The following FRAS1 variants were observed in gnomAD, a reference collection of about 807,000 sequenced individuals.
FRAS1 encodes the protein extracellular matrix organizing protein FRAS1.
A neutral mutation model predicts 435.2 loss-of-function variants in FRAS1; 290 were observed. The ratio of observed to expected loss-of-function variants is 0.67; its 90% CI spans 0.61 to 0.73. FRAS1 has a LOEUF of 0.73. Among genes scored for constraint, FRAS1 ranks in the 30% least tolerant of loss-of-function variants. The pLI is 0.00. For missense variants in FRAS1, 4,860 were observed against 5,001.5 expected, an observed-to-expected ratio of 0.97 and a Z score of 0.85; for synonymous variants, 1,800 against 1,851.0, an observed-to-expected ratio of 0.97 and a Z score of 0.71.
intron 2 of FRAS1, among the ~76,000 whole-genome samples, chr4:78,191,690 G>A (rs530563333): frequency 1.5e-4 from 22 of 148,690 alleles, no homozygotes; most frequent in Admixed American, 1.2e-3. Flanking sequence ...ATCCCTCCCC[G>A]CTCCCCCCAC....
intron 3 of FRAS1, among the ~76,000 whole-genome samples, chr4:78,243,340 T>C (rs868392090): frequency 7.2e-5 from 11 of 152,212 alleles, no homozygotes; most frequent in African/African-American, 2.6e-4. Context: ...TGTTGGTGGT[T>C]CTCCTAGGTC....
In FRAS1 at chr4:78,456,138, C is replaced by CTTTTTTTTTT. The variant is rs753676442; in HGVS notation, c.6763+3798_6763+3807dup. Among the ~76,000 whole-genome samples, 11 of 51,470 alleles carry CTTTTTTTTTT rather than the reference C, an allele frequency of 2.1e-4. 1 individual carries two copies. Among genetic ancestry groups the CTTTTTTTTTT allele is most frequent in the African/African-American group, 9.0e-4 (11 of 12,240 alleles). 33.8% of individuals were successfully genotyped at this position (51,470 alleles called of 152,430 possible). A position where few individuals can be genotyped will look rare whatever the true frequency, so the allele number is the denominator to read the frequency against. On this transcript the variant is annotated intron_variant, in intron 47 of 73. Transcript: ENST00000512123. Reference sequence around the variant, plus strand: ...AGCATTACTTGAAGAACACATGTCACTTTTTTTTTTTTTTTTTTTTTTTGA... The same window carrying CTTTTTTTTTT: ...AGCATTACTTGAAGAACACATGTCACTTTTTTTTTTTTTTTTTTTTTTTTTTTTTTTTTGA...
At chr4:78,383,803 G>A (rs1330625103) in intron 27 of FRAS1, among the ~76,000 whole-genome samples, 3 of 152,116 alleles carry the variant, frequency 2.0e-5, no homozygotes, top group African/African-American at 4.8e-5. Context: ...AGTTTAGAAA[G>A]ATAGGAAACA....
rs1431627662 is a variant in FRAS1, at chr4:78,408,535, C to G, written c.4308+694C>G. Among the ~76,000 whole-genome samples, 5 of 152,160 alleles carry G rather than the reference C, an allele frequency of 3.3e-5. No individual in the cohort carries two copies. In the East Asian group the frequency reaches 9.6e-4, roughly 29 times the overall value. On this transcript the variant is annotated intron_variant, in intron 31 of 73. Transcript: ENST00000512123. ...GTTTTGAATGTTCTTGGAACACTTACTATCTTGTGATAAGATCATGGGCCT... is the reference window on the plus strand; with the variant it reads ...GTTTTGAATGTTCTTGGAACACTTAGTATCTTGTGATAAGATCATGGGCCT...
chr4:78,468,485 A>ACATCATCAT (rs11267487), intron 50 of FRAS1, among the ~76,000 whole-genome samples: 1,600 of 150,228 alleles, frequency 0.011, 23 homozygotes, highest in African/African-American at 0.031. Context: ...GAAGCTGTAA[A>ACATCATCAT]CATCATCATC....
rs146840172 is a variant in FRAS1 at position 78,255,450 on chromosome 4, GGCAGGCCTCA to G, written c.603+77_603+86del. The G allele has an allele frequency of 3.7e-4, 530 of 1,414,456 alleles. 4 individuals are homozygous for G. The African/African-American group carries it at 6.9e-3, about 19-fold the overall frequency. The allele number at this position is 1,414,456 out of a possible 1,614,324, so 87.6% of individuals were successfully genotyped here. A position where few individuals can be genotyped will look rare whatever the true frequency, so the allele number is the denominator to read the frequency against. ...TGGAGTCTCTTCTGAGATTATGGCAGGCAGGCCTCAGAAGCACTAGAAACAAGAAGCAAAG... is the reference window on the plus strand; with the variant it reads ...TGGAGTCTCTTCTGAGATTATGGCAGGAAGCACTAGAAACAAGAAGCAAAG... On this transcript the variant is annotated intron_variant, in intron 6 of 73. Coordinates refer to ENST00000512123, the MANE Select transcript of FRAS1 (RefSeq NM_025074.7).
At chr4:78,246,431 A>T (rs1271593585) in intron 4 of FRAS1, among the ~76,000 whole-genome samples, 1 of 152,124 alleles carries the variant, frequency 6.6e-6, no homozygotes, top group Non-Finnish European at 1.5e-5. Context: ...CAAGGAAGCC[A>T]CTCTTTCACT....
rs764019532 is a variant in FRAS1 at position 78,511,313 on chromosome 4, C to T, written c.9820C>T (p.Arg3274Cys). The part of the protein sequence containing the change: ...SIYFSRRFHV[R>C]CVAKAVDKVG... Reference sequence around the variant, plus strand: ...TTACTTCAGCCGGAGGTTCCATGTGCGTTGTGTGGCCAAGGCTGTGGACAA... The same window carrying T: ...TTACTTCAGCCGGAGGTTCCATGTGTGTTGTGTGGCCAAGGCTGTGGACAA... The change falls in exon 64 of 74, where the codon CGT (arginine) becomes TGT (cysteine). Residue 3274 changes from arginine (R) to cysteine (C), a missense_variant. Transcript: ENST00000512123. The T allele has an allele frequency of 6.2e-6, 10 of 1,609,282 alleles. No homozygotes were observed. The highest frequency in any genetic ancestry group is 1.3e-5 in the African/African-American group (1 of 74,808).
Position 78,429,179 on chromosome 4 carries a change from T to A in FRAS1, c.4796T>A (p.Val1599Asp), listed in dbSNP as rs1448419304. The A allele has an allele frequency of 1.2e-6, 2 of 1,603,732 alleles. No individual in the cohort carries two copies. Among genetic ancestry groups the A allele is most frequent in the African/African-American group, 2.7e-5 (2 of 74,742 alleles). ...GATCAGCAACTGCCAGTGTTCCAGG[T>A]CACAGCTCCACGGCTGGCGGTCAGC... ...PSDQQLPVFQ[V>D]TAPRLAVSPG... is the part of the protein sequence containing the mutation. Residue 1599 changes from valine to aspartate, a missense_variant, in exon 36 of 74, where the codon GTC (valine) becomes GAC (aspartate). By Grantham distance (152) the Val-to-Asp change is radical (BLOSUM62 -3). Transcript: ENST00000512123.
At chr4:78,237,478 G>A (rs1372339308) in intron 2 of FRAS1, 32 bp from the exon 3 acceptor site, 1 of 1,503,294 alleles carries the variant, frequency 6.7e-7, no homozygotes, top group Non-Finnish European at 9.3e-7. Context: ...TGACTGATCA[G>A]TTTTTAAATC....
At chr4:78,261,020 A>T (rs960031430) in intron 6 of FRAS1, among the ~76,000 whole-genome samples, 33 of 152,084 alleles carry the variant, frequency 2.2e-4, no homozygotes, top group Admixed American at 7.9e-4. Flanking sequence ...CTTCTCCAGA[A>T]ATATCTATGA....
At chr4:78,324,470 G>A (rs1333601717) in intron 18 of FRAS1, among the ~76,000 whole-genome samples, 2 of 151,646 alleles carry the variant, frequency 1.3e-5, no homozygotes, top group Non-Finnish European at 2.9e-5. Flanking sequence ...ACACACACAC[G>A]AACACACATA....
intron 2 of FRAS1, among the ~76,000 whole-genome samples, chr4:78,196,757 A>G (rs1240942496): frequency 6.6e-6 from 1 of 152,230 alleles, no homozygotes; most frequent in East Asian, 1.9e-4. Flanking sequence ...AGAAAAACGT[A>G]TGTGAAGTAT....
At chr4:78,479,947 G>A (rs900513019) in intron 56 of FRAS1, among the ~76,000 whole-genome samples, 4 of 152,036 alleles carry the variant, frequency 2.6e-5, no homozygotes, top group African/African-American at 9.7e-5. Context: ...AAATTTTTGT[G>A]GGTACATAGT....
At chr4:78,101,476 G>A (rs1742129355) in intron 2 of FRAS1, among the ~76,000 whole-genome samples, 1 of 152,078 alleles carries the variant, frequency 6.6e-6, no homozygotes, top group Non-Finnish European at 1.5e-5. Context: ...TTTGTGTTTG[G>A]TTTCCTTCTC....
intron 32 of FRAS1, among the ~76,000 whole-genome samples, chr4:78,417,096 T>C (rs1733582426): frequency 6.6e-6 from 1 of 152,250 alleles, no homozygotes; most frequent in African/African-American, 2.4e-5. Context: ...GTAGCTAATA[T>C]TAAAATTGAT....
intron 2 of FRAS1, among the ~76,000 whole-genome samples, chr4:78,200,870 AATAT>A (rs148259948): frequency 2.9e-5 from 4 of 139,720 alleles, no homozygotes; most frequent in Admixed American, 2.9e-4. Context: ...GCATGCCTTG[AATAT>A]ATATATATAT....
At chr4:78,412,903 A>C in intron 31 of FRAS1, 66 bp from the exon 32 acceptor site, 5 of 898,318 alleles carry the variant, frequency 5.6e-6, no homozygotes, top group Middle Eastern at 2.2e-4. Flanking sequence ...AGAGGGAAAA[A>C]CCCACGTACT....
chr4:78,135,364 T>C (rs564924414), intron 2 of FRAS1, among the ~76,000 whole-genome samples: 1 of 152,360 alleles, frequency 6.6e-6, no homozygotes, highest in Non-Finnish European at 1.5e-5. Context: ...GCATGAATTA[T>C]TTATTGCTAC....
Sources: gnomAD v4.1 joint callset for allele counts (sites outside exome capture counted in the v4.1 genomes callset) on GRCh38, gnomAD v4.1.1 for gene constraint, MANE v1.5 for transcripts, NCBI Gene and HGNC (gene_info 2026-07-23, HGNC 2026-07-21) for gene names.